The following RASGRP3 variants were observed in gnomAD, a reference collection of about 807,000 sequenced individuals.
RASGRP3 encodes RAS guanyl releasing protein 3.
Under a neutral mutation model 82.7 loss-of-function variants are expected in RASGRP3, and 54 were observed. That is an observed-to-expected ratio of 0.65 (90% CI 0.52 to 0.82). The LOEUF (loss-of-function observed/expected upper bound fraction) is 0.82. Ranked by LOEUF, RASGRP3 falls within the 40% of genes least tolerant of loss-of-function variation. The probability of loss-of-function intolerance (pLI) is 0.00; values close to 1 mark genes in which losing one functional copy is unlikely to be tolerated. For synonymous variants in RASGRP3, 309 were observed against 300.5 expected (o/e 1.03, Z -0.29); for missense variants, 861 against 828.9 (o/e 1.04, Z -0.48).
chr2:33,445,122 A>G (rs1198320716), intron 1 of RASGRP3, among the ~76,000 whole-genome samples: 1 of 152,238 alleles, frequency 6.6e-6, no homozygotes, highest in African/African-American at 2.4e-5. Flanking sequence ...ATAATCTTCT[A>G]TAACTACTAT....
At chr2:33,439,963 T>A (rs646374) in intron 1 of RASGRP3, among the ~76,000 whole-genome samples, 148,079 of 152,258 alleles carry the variant, frequency 0.97, 72,152 homozygotes, top group Middle Eastern at 1. Context: ...TGGAGACACA[T>A]CTGAGAACAA....
rs555745821 is a variant in RASGRP3 at position 33,564,095 on chromosome 2, C to G, written c.*1358C>G. ...GGGCAGTCTTCAGTAAAGCCTTTCT[C>G]CTTTCTTTTCTCCATTGAGGACAGT... On this transcript the variant is annotated 3_prime_UTR_variant, in exon 18 of 18. Coordinates refer to ENST00000403687, the MANE Select transcript of RASGRP3 (RefSeq NM_001139488.2). 7.2e-5 allele frequency: 11 copies of G among 152,332 alleles called. No individual in the cohort carries two copies. The highest frequency in any genetic ancestry group is 2.6e-4 in the African/African-American group (11 of 41,554). 9.4% of individuals were successfully genotyped at this position (152,332 alleles called of 1,614,324 possible). A position where few individuals can be genotyped will look rare whatever the true frequency, so the allele number is the denominator to read the frequency against.
chr2:33,469,068 A>G (rs980300407), intron 2 of RASGRP3, among the ~76,000 whole-genome samples: 9 of 152,160 alleles, frequency 5.9e-5, no homozygotes, highest in Admixed American at 5.9e-4. Flanking sequence ...AATAAATTGT[A>G]TCTTATCGTT....
intron 13 of RASGRP3, among the ~76,000 whole-genome samples, chr2:33,545,088 T>C (rs1400333157): frequency 4.6e-5 from 7 of 152,244 alleles, no homozygotes; most frequent in African/African-American, 1.7e-4. Flanking sequence ...TGACTTAAAA[T>C]AACTTCCTAG....
intron 1 of RASGRP3, among the ~76,000 whole-genome samples, chr2:33,437,953 A>T (rs1665014649): frequency 6.6e-6 from 1 of 152,222 alleles, no homozygotes; most frequent in Non-Finnish European, 1.5e-5. Flanking sequence ...TTCTGAGTCC[A>T]CTTTAGATCT....
At chr2:33,469,633 A>G (rs1197065617) in intron 2 of RASGRP3, among the ~76,000 whole-genome samples, 2 of 151,722 alleles carry the variant, frequency 1.3e-5, no homozygotes, top group Non-Finnish European at 2.9e-5. Flanking sequence ...CTAATTTTTT[A>G]TATTTTTGGT....
rs199925389 is a variant in RASGRP3, at chr2:33,522,052, T to C, written c.466T>C (p.Leu156=). 1.6e-5 allele frequency: 26 copies of C among 1,613,612 alleles called. No individual in the cohort carries two copies. The highest frequency in any genetic ancestry group is 3.3e-4 in the Middle Eastern group (2 of 6,080). The part of the protein sequence containing the change: ...LLFDHLEPIE[L]AEHLTFLEHK... ...GTTTGACCATCTGGAGCCCATTGAA[T>C]TGGCTGAGCACCTCACTTTTCTGGA... Residue 156 remains leucine (L), a synonymous_variant, in exon 7 of 18, where the codon TTG becomes CTG. Transcript: ENST00000403687.
upstream of RASGRP3, among the ~76,000 whole-genome samples, chr2:33,474,740 G>T (rs555144498): frequency 6.6e-6 from 1 of 152,190 alleles, no homozygotes; most frequent in Non-Finnish European, 1.5e-5. Context: ...CCCAGAAGCC[G>T]AACAGATGCC....
intron 1 of RASGRP3, among the ~76,000 whole-genome samples, chr2:33,438,113 A>G (rs1251782087): frequency 6.6e-6 from 1 of 152,256 alleles, no homozygotes; most frequent in Non-Finnish European, 1.5e-5. Context: ...TGACACATTC[A>G]CATGTTTACA....
At chr2:33,486,252 T>G (rs769064173) in intron 1 of RASGRP3, among the ~76,000 whole-genome samples, 1 of 151,642 alleles carries the variant, frequency 6.6e-6, no homozygotes, top group Non-Finnish European at 1.5e-5. Flanking sequence ...GCTACCTCTG[T>G]CTCCTAGTTC....
At chr2:33,464,987 T>C (rs1666607698) in intron 2 of RASGRP3, among the ~76,000 whole-genome samples, 3 of 152,184 alleles carry the variant, frequency 2.0e-5, no homozygotes, top group African/African-American at 7.2e-5. Context: ...TAAAATGGCT[T>C]CTAAGTGTTC....
chr2:33,515,798 A>G (rs1671408635), intron 3 of RASGRP3, among the ~76,000 whole-genome samples: 1 of 152,228 alleles, frequency 6.6e-6, no homozygotes, highest in South Asian at 2.1e-4. Context: ...CGTTGCACAA[A>G]GAAAGTCAAC....
At chr2:33,483,486 ATT>A (rs202150682) in intron 1 of RASGRP3, among the ~76,000 whole-genome samples, 84 of 125,924 alleles carry the variant, frequency 6.7e-4, no homozygotes, top group Middle Eastern at 4.2e-3. Context: ...TTTAGCCACT[ATT>A]TTTTTTTTTT....
intron 1 of RASGRP3, among the ~76,000 whole-genome samples, chr2:33,438,971 GTCT>G (rs1472276882): frequency 6.6e-6 from 1 of 151,648 alleles, no homozygotes; most frequent in Non-Finnish European, 1.5e-5. Context: ...GCATGCCAAG[GTCT>G]TCTTCTTCAG....
intron 1 of RASGRP3, among the ~76,000 whole-genome samples, chr2:33,505,268 G>T (rs1260604791): frequency 1.3e-5 from 2 of 151,454 alleles, no homozygotes; most frequent in Non-Finnish European, 2.9e-5. Context: ...TTGAGACCAG[G>T]TACTTCCAGA....
chr2:33,472,645 G>A (rs1667124582), upstream of RASGRP3, among the ~76,000 whole-genome samples: 5 of 152,044 alleles, frequency 3.3e-5, no homozygotes, highest in South Asian at 1.0e-3. Flanking sequence ...TCAAGGGGTG[G>A]TTGGTCAGTT....
At chr2:33,497,304 T>C (rs1669417887) in intron 1 of RASGRP3, among the ~76,000 whole-genome samples, 1 of 152,212 alleles carries the variant, frequency 6.6e-6, no homozygotes, top group Non-Finnish European at 1.5e-5. Context: ...AGACATGAGA[T>C]ATTGTGGTGA....
chr2:33,555,973 C>T (rs1675900771), intron 15 of RASGRP3, among the ~76,000 whole-genome samples: 1 of 152,224 alleles, frequency 6.6e-6, no homozygotes, highest in African/African-American at 2.4e-5. Context: ...TACTAAATCA[C>T]ATAGATGGTG....
At chr2:33,548,402 C>T (rs1181719360) in intron 13 of RASGRP3, among the ~76,000 whole-genome samples, 3 of 141,376 alleles carry the variant, frequency 2.1e-5, no homozygotes, top group Non-Finnish European at 4.6e-5. Flanking sequence ...AAAGAAAAGA[C>T]ATCTGTTGGA....
Sources: gnomAD v4.1 joint callset for allele counts (sites outside exome capture counted in the v4.1 genomes callset) on GRCh38, gnomAD v4.1.1 for gene constraint, MANE v1.5 for transcripts, NCBI Gene and HGNC (gene_info 2026-07-23, HGNC 2026-07-21) for gene names.